The following FRMD6 variants were observed in gnomAD, a reference collection of about 807,000 sequenced individuals.
The protein encoded by FRMD6 is FERM domain-containing protein 6.
Under a neutral mutation model 73.2 loss-of-function variants are expected in FRMD6, and 37 were observed. The observed-to-expected ratio is 0.51, with a 90% CI of 0.39 to 0.66. FRMD6 has a LOEUF of 0.66. Among genes scored for constraint, FRMD6 ranks in the 30% least tolerant of loss-of-function variants. The pLI is 0.00. For missense variants in FRMD6, 714 were observed against 780.5 expected, an observed-to-expected ratio of 0.91 and a Z score of 1.02; for synonymous variants, 273 against 282.2, an observed-to-expected ratio of 0.97 and a Z score of 0.33.
the FRMD6 span, among the ~76,000 whole-genome samples, chr14:51,429,767 T>A: frequency 6.6e-6 from 1 of 152,224 alleles, no homozygotes; most frequent in African/African-American, 2.4e-5. Context: ...ATTTATAAAA[T>A]AAGGAAGTTA....
intron 2 of FRMD6, among the ~76,000 whole-genome samples, chr14:51,595,582 ACC>A (rs1889666567): frequency 6.6e-6 from 1 of 152,188 alleles, no homozygotes; most frequent in Non-Finnish European, 1.5e-5. Flanking sequence ...CATAGGGTGA[ACC>A]CTGACAGCAT....
At chr14:51,724,011 G>C (rs959279498) in intron 12 of FRMD6, 5 of 152,068 alleles carry the variant, frequency 3.3e-5, no homozygotes, top group African/African-American at 4.8e-5. Flanking sequence ...TATAGATATA[G>C]ATGATTTTAT....
At chr14:51,670,409 G>A (rs1167959929) in intron 1 of FRMD6, among the ~76,000 whole-genome samples, 1 of 152,156 alleles carries the variant, frequency 6.6e-6, no homozygotes, top group African/African-American at 2.4e-5. Context: ...CAAAAATAGT[G>A]TACAGAGTCT....
the FRMD6 span, among the ~76,000 whole-genome samples, chr14:51,453,181 G>T: frequency 1.5e-4 from 23 of 152,178 alleles, 1 homozygote; most frequent in East Asian, 4.4e-3. Flanking sequence ...AAGATGTGGT[G>T]CCCAAGAGAG....
At chr14:51,605,032 A>C (rs754124887) in intron 2 of FRMD6, among the ~76,000 whole-genome samples, 5 of 151,814 alleles carry the variant, frequency 3.3e-5, no homozygotes, top group Non-Finnish European at 5.9e-5. Flanking sequence ...AACCAAAACA[A>C]CACCATTGCT....
At chr14:51,444,336 G>A in the FRMD6 span, among the ~76,000 whole-genome samples, 1 of 152,220 alleles carries the variant, frequency 6.6e-6, no homozygotes, top group Non-Finnish European at 1.5e-5. Context: ...TAGCTCCTGA[G>A]CTTTGTCTCT....
chr14:51,525,233 T>C (rs2140310365), intron 1 of FRMD6, among the ~76,000 whole-genome samples: 1 of 152,094 alleles, frequency 6.6e-6, no homozygotes, highest in East Asian at 1.9e-4. Flanking sequence ...AAGCTCAGAC[T>C]TGTTTTTTAA....
chr14:51,625,103 T>C (rs1426642246), intron 2 of FRMD6, among the ~76,000 whole-genome samples: 1 of 152,244 alleles, frequency 6.6e-6, no homozygotes, highest in Admixed American at 6.5e-5. Context: ...CAACATAATT[T>C]ACTGCCCACT....
intron 1 of FRMD6, among the ~76,000 whole-genome samples, chr14:51,664,810 A>G (rs1243833182): frequency 1.3e-5 from 2 of 152,144 alleles, no homozygotes; most frequent in Admixed American, 1.3e-4. Flanking sequence ...TGTTTTTTTC[A>G]GCTGAAACTT....
chr14:51,713,088 C>G (rs2140535386), intron 9 of FRMD6, among the ~76,000 whole-genome samples: 1 of 152,196 alleles, frequency 6.6e-6, no homozygotes, highest in East Asian at 1.9e-4. Flanking sequence ...AAGTATTTCT[C>G]TTTTGCCAGC....
At chr14:51,496,749 C>T (rs1253982173) in intron 1 of FRMD6, among the ~76,000 whole-genome samples, 1 of 152,136 alleles carries the variant, frequency 6.6e-6, no homozygotes, top group Admixed American at 6.5e-5. Context: ...ACAGGTCTAC[C>T]ATCTGGAAAT....
intron 9 of FRMD6, chr14:51,714,298 G>A (rs1897121964): frequency 6.7e-6 from 1 of 149,030 alleles, no homozygotes; most frequent in Non-Finnish European, 1.5e-5. Flanking sequence ...CCTTTAAAAT[G>A]AGGGAAATCT....
chr14:51,413,372 A>G, the FRMD6 span, among the ~76,000 whole-genome samples: 1 of 152,012 alleles, frequency 6.6e-6, no homozygotes, highest in Non-Finnish European at 1.5e-5. Context: ...AAGTGTTCTC[A>G]TTGTTCAGTT....
In FRMD6 at chr14:51,643,495, T is replaced by C. The variant is rs564582538; in HGVS notation, c.-146-46196T>C. 2.6e-5 allele frequency: 4 copies of C among 152,272 alleles called. No individual in the cohort carries two copies. In the South Asian group the frequency reaches 6.2e-4, roughly 24 times the overall value. 9.4% of individuals were successfully genotyped at this position (152,272 alleles called of 1,614,324 possible). ...AAGCAAAATGTAAGAAAACGGATGA[T>C]TGAGTTGACCTGAATTTTGGGATTG... On this transcript the variant is annotated intron_variant, in intron 2 of 14. Transcript: ENST00000356218.
intron 2 of FRMD6, among the ~76,000 whole-genome samples, chr14:51,636,347 T>C (rs1458386454): frequency 6.6e-6 from 1 of 152,242 alleles, no homozygotes; most frequent in Non-Finnish European, 1.5e-5. Flanking sequence ...TTAGTCAACA[T>C]GGCAGATTAG....
the FRMD6 span, among the ~76,000 whole-genome samples, chr14:51,418,987 G>C: frequency 6.6e-6 from 1 of 152,114 alleles, no homozygotes; most frequent in African/African-American, 2.4e-5. Flanking sequence ...CACCAAGCCA[G>C]GCACGGGATA....
At chr14:51,670,695 G>T (rs1275817168) in intron 1 of FRMD6, among the ~76,000 whole-genome samples, 1 of 151,304 alleles carries the variant, frequency 6.6e-6, no homozygotes, top group African/African-American at 2.4e-5. Context: ...ACCTAGGCTG[G>T]AGTGCAGTGG....
chr14:51,676,737 A>C (rs1411009176), intron 1 of FRMD6, among the ~76,000 whole-genome samples: 1 of 152,142 alleles, frequency 6.6e-6, no homozygotes, highest in Non-Finnish European at 1.5e-5. Context: ...ACACCATTGT[A>C]TTCACTACCA....
chr14:51,456,894 CA>C, the FRMD6 span, among the ~76,000 whole-genome samples: 1 of 152,016 alleles, frequency 6.6e-6, no homozygotes, highest in Non-Finnish European at 1.5e-5. Flanking sequence ...AGCTAGGCAT[CA>C]AAAGATAAAT....
Sources: gnomAD v4.1 joint callset for allele counts (sites outside exome capture counted in the v4.1 genomes callset) on GRCh38, gnomAD v4.1.1 for gene constraint, MANE v1.5 for transcripts, NCBI Gene and HGNC (gene_info 2026-07-23, HGNC 2026-07-21) for gene names.